The following ZIC4 variants were observed in gnomAD, a reference collection of about 807,000 sequenced individuals.
ZIC4 encodes zinc finger protein ZIC 4.
Under a neutral mutation model 28.8 loss-of-function variants are expected in ZIC4, and 15 were observed. The ratio of observed to expected loss-of-function variants is 0.52; its 90% CI spans 0.35 to 0.80. ZIC4 has a LOEUF of 0.80. ZIC4 is among the 30% of genes least tolerant of loss of function. The pLI, the probability that ZIC4 is intolerant of heterozygous loss-of-function variation, is 0.01. For missense variants in ZIC4, 512 were observed against 467.1 expected (o/e 1.10, Z -0.89); for synonymous variants, 220 against 198.1 (o/e 1.11, Z -0.93).
At chr3:147,399,948 G>T (rs1425610203) in intron 2 of ZIC4, among the ~76,000 whole-genome samples, 1 of 152,190 alleles carries the variant, frequency 6.6e-6, no homozygotes, top group African/African-American at 2.4e-5. Context: ...TTACAGGCGT[G>T]AGCCACTGCA....
At chr3:147,397,494 GCCTCCTCCC>G (rs2087075759) in intron 2 of ZIC4, among the ~76,000 whole-genome samples, 1 of 151,820 alleles carries the variant, frequency 6.6e-6, no homozygotes, top group Non-Finnish European at 1.5e-5. Flanking sequence ...CTCCCCTTGA[GCCTCCTCCC>G]CCTCCTCTCC....
chr3:147,403,817 G>A (rs1478731194), intron 1 of ZIC4: 10 of 812,108 alleles, frequency 1.2e-5, no homozygotes, highest in East Asian at 2.8e-5. Context: ...TATCTTAAAC[G>A]GTATCCAGTT....
intron 3 of ZIC4, chr3:147,393,746 C>G (rs900440434): frequency 2.7e-6 from 1 of 364,118 alleles, no homozygotes; most frequent in Non-Finnish European, 5.4e-6. Flanking sequence ...CCTCAGACGC[C>G]GGGGAAGGTG....
At position 147,396,395 on chromosome 3, in the gene ZIC4, C is replaced by T. The variant is rs757977562; in HGVS notation, c.145G>A (p.Glu49Lys). 2 of 1,527,506 alleles carry T rather than the reference C, an allele frequency of 1.3e-6. No individual in the cohort carries two copies. The highest frequency in any genetic ancestry group is 8.8e-7 in the Non-Finnish European group (1 of 1,141,680). The allele number at this position is 1,527,506 out of a possible 1,614,324, so 94.6% of individuals were successfully genotyped here. A position where few individuals can be genotyped will look rare whatever the true frequency, so the allele number is the denominator to read the frequency against. ...SPSVFPGLHE[E>K]PPQASPSRPL... ...CGGCTGGGGGAGGCCTGGGGAGGCT[C>T]CTCGTGGAGGCCCGGGAACACCGAG... Residue 49 changes from glutamate to lysine, a missense_variant, in exon 3 of 5, where the codon GAG (glutamate) becomes AAG (lysine). Glu to Lys is a moderately conservative substitution (Grantham distance 56). Coordinates refer to ENST00000383075, the MANE Select transcript of ZIC4 (RefSeq NM_032153.6). The surrounding 1 kb of genome is among the most constrained non-coding windows in gnomAD (Gnocchi z 4.2).
At chr3:147,390,543 T>C (rs1434134556) in intron 4 of ZIC4, among the ~76,000 whole-genome samples, 3 of 152,164 alleles carry the variant, frequency 2.0e-5, no homozygotes, top group African/African-American at 7.2e-5. Flanking sequence ...AACTTTTTTT[T>C]CCATCTCCCT....
chr3:147,405,351 C>A, intron 1 of ZIC4: 1 of 1,528,026 alleles, frequency 6.5e-7, no homozygotes, highest in Non-Finnish European at 8.8e-7. Flanking sequence ...ACAATACTGT[C>A]GGAAAGCGGG....
At chr3:147,401,224 A>G (rs1233348992) in intron 2 of ZIC4, among the ~76,000 whole-genome samples, 1 of 152,228 alleles carries the variant, frequency 6.6e-6, no homozygotes, top group African/African-American at 2.4e-5. Flanking sequence ...CTAGAAATAG[A>G]ACATTTGGTG....
chr3:147,398,610 G>T, intron 2 of ZIC4, among the ~76,000 whole-genome samples: 1 of 152,130 alleles, frequency 6.6e-6, no homozygotes, highest in Non-Finnish European at 1.5e-5. Flanking sequence ...TGCTGGCCGG[G>T]ACTCCTGCCT....
chr3:147,404,429 T>A, intron 1 of ZIC4: 2 of 437,138 alleles, frequency 4.6e-6, no homozygotes, highest in Non-Finnish European at 6.4e-6. Context: ...GGAACTAGGG[T>A]AAACATCTCC....
intron 4 of ZIC4, among the ~76,000 whole-genome samples, chr3:147,390,164 C>G (rs932731970): frequency 2.0e-5 from 3 of 152,118 alleles, no homozygotes; most frequent in Admixed American, 6.5e-5. Flanking sequence ...GGGGTGGAAG[C>G]GTCTAACCAC....
rs755472014 is a variant in ZIC4, at chr3:147,396,304, G to C, written c.236C>G (p.Pro79Arg). 2 of 1,603,468 alleles carry C rather than the reference G, an allele frequency of 1.2e-6. No individual in the cohort carries two copies. The highest frequency in any genetic ancestry group is 1.3e-5 in the African/African-American group (1 of 74,372). Residue 79 changes from proline (P) to arginine (R), a missense_variant, in exon 3 of 5, where the codon CCG becomes CGG. Coordinates refer to ENST00000383075, the MANE Select transcript of ZIC4 (RefSeq NM_032153.6). This position sits in a 1 kb window ranked among gnomAD's most constrained non-coding sequence, Gnocchi z 4.2. The part of the protein sequence containing the change: ...GDMYARPEPF[P>R]PGPAARSDAL... ...GTCGCTGCGGGCCGCAGGCCCTGGC[G>C]GGAAGGGCTCCGGCCGCGCGTACAT...
At chr3:147,399,097 A>G (rs1248542660) in intron 2 of ZIC4, among the ~76,000 whole-genome samples, 1 of 152,142 alleles carries the variant, frequency 6.6e-6, no homozygotes, top group Non-Finnish European at 1.5e-5. Context: ...ATTTAAAAAA[A>G]AAAAATTAGA....
chr3:147,401,491 C>T (rs1478982519), intron 2 of ZIC4, among the ~76,000 whole-genome samples: 1 of 122,326 alleles, frequency 8.2e-6, no homozygotes, highest in Non-Finnish European at 2.0e-5. Context: ...ATGTTCTGCA[C>T]TAAATCAATA....
rs1219934298 is a variant in ZIC4 at position 147,396,740 on chromosome 3, A to G, written c.71-271T>C. 1.0e-5 allele frequency: 4 copies of G among 393,142 alleles called. No homozygotes were observed. The Admixed American group carries it at 1.6e-4, about 16-fold the overall frequency. The allele number at this position is 393,142 out of a possible 1,614,324, so 24.4% of individuals were successfully genotyped here. ...AGCGGCAGAGTAGATGTAAGGGGTA[A>G]TGGAAGGCGCAGGGCTGAGTCTGTG... On this transcript the variant is annotated intron_variant, in intron 2 of 4. Coordinates refer to ENST00000383075, the MANE Select transcript of ZIC4 (RefSeq NM_032153.6). The surrounding 1 kb of genome is among the most constrained non-coding windows in gnomAD (Gnocchi z 4.2).
intron 2 of ZIC4, among the ~76,000 whole-genome samples, chr3:147,401,368 G>C (rs2087162048): frequency 1.3e-5 from 2 of 152,164 alleles, no homozygotes. Flanking sequence ...TTTAAGCAAT[G>C]CTAAATTAAA....
chr3:147,388,824 G>T lies in ZIC4; in HGVS notation c.*35C>A, dbSNP rs199991684. 2.6e-6 allele frequency: 2 copies of T among 777,822 alleles called. No individual in the cohort carries two copies. The highest frequency in any genetic ancestry group is 2.4e-6 in the Non-Finnish European group (1 of 417,218). 48.2% of individuals were successfully genotyped at this position (777,822 alleles called of 1,614,324 possible). On this transcript the variant is annotated 3_prime_UTR_variant, in exon 5 of 5. Coordinates refer to ENST00000383075, the MANE Select transcript of ZIC4 (RefSeq NM_032153.6). ...CGAGATGCGGGGCGCTCAGCTGCGCGGAGCGAGATTACCTTGCGAGCAACG... is the reference window on the plus strand; with the variant it reads ...CGAGATGCGGGGCGCTCAGCTGCGCTGAGCGAGATTACCTTGCGAGCAACG...
Position 147,404,836 on chromosome 3 carries a change from C to T in ZIC4, c.-16+1527G>A, listed in dbSNP as rs925202927. Among the ~76,000 whole-genome samples, 3 of 152,192 alleles carry T rather than the reference C, an allele frequency of 2.0e-5. No individual in the cohort carries two copies. The South Asian group carries it at 6.2e-4, about 31-fold the overall frequency. On this transcript the variant is annotated intron_variant, in intron 1 of 4. Coordinates refer to ENST00000383075, the MANE Select transcript of ZIC4 (RefSeq NM_032153.6). ...GGCCGACCTAGCCGGCGCAGGACTA[C>T]CCAAGGTCAGAGGTCAGCTGCAGCT...
In ZIC4 at chr3:147,402,772, A is replaced by G. The variant is rs771870317; in HGVS notation, c.26T>C (p.Met9Thr). The change falls in exon 2 of 5, where the codon ATG becomes ACG. Residue 9 changes from methionine (M) to threonine (T), a missense_variant. Around this residue, in one of 3 missense-constraint regions of ZIC4, gnomAD observed 310 missense variants for 256.5 expected, o/e 1.21. Coordinates refer to ENST00000383075, the MANE Select transcript of ZIC4 (RefSeq NM_032153.6). ...TCGGTAAAGCCGTAATCGTTTCCTC[A>G]TCACCAAGGATGTCTTGTATCTCAT... The part of the protein sequence containing the change: MRYKTSLV[M>T]RKRLRLYRNT... The G allele has an allele frequency of 1.2e-6, 2 of 1,613,882 alleles. No homozygotes were observed. Among genetic ancestry groups the G allele is most frequent in the South Asian group, 2.2e-5 (2 of 91,050 alleles).
Position 147,388,536 on chromosome 3 carries a change from T to TA in ZIC4, c.*322_*323insT. The TA allele has an allele frequency of 2.6e-6, 1 of 377,660 alleles. No homozygotes were observed. The highest frequency in any genetic ancestry group is 4.3e-5 in the Admixed American group (1 of 23,246). The allele number at this position is 377,660 out of a possible 1,614,324, so 23.4% of individuals were successfully genotyped here. A position where few individuals can be genotyped will look rare whatever the true frequency, so the allele number is the denominator to read the frequency against. ...TATTATGATCGGGTACAAGTGCCCA[T>TA]TCGCGTGGGTTTTGTTTACCGGAAA... On this transcript the variant is annotated 3_prime_UTR_variant, in exon 5 of 5. Transcript: ENST00000383075.
Sources: gnomAD v4.1 joint callset for allele counts (sites outside exome capture counted in the v4.1 genomes callset) on GRCh38, gnomAD v4.1.1 for gene constraint, gnomAD v4.1.1 regional missense constraint, Gnocchi (gnomAD v3.1) non-coding constraint, MANE v1.5 for transcripts, NCBI Gene and HGNC (gene_info 2026-07-23, HGNC 2026-07-21) for gene names.